The following PTPRS variants were observed in gnomAD, a reference collection of about 807,000 sequenced individuals.
The protein encoded by PTPRS is protein tyrosine phosphatase receptor type S.
A neutral mutation model predicts 215.3 loss-of-function variants in PTPRS; 63 were observed. The ratio of observed to expected loss-of-function variants is 0.29; its 90% CI spans 0.24 to 0.36. PTPRS has a LOEUF of 0.36. PTPRS is among the 10% of genes least tolerant of loss of function. PTPRS has a pLI of 1.00. For missense variants in PTPRS, 2,258 were observed against 2,825.8 expected (o/e 0.80, Z 4.56); for synonymous variants, 1,404 against 1,191.4 (o/e 1.18, Z -3.68).
At position 5,293,294 on chromosome 19, in the gene PTPRS, G is replaced by C. The variant is rs1012295038; in HGVS notation, c.-94-7060C>G. 1.3e-5 allele frequency: 2 copies of C among 150,760 alleles called. No individual in the cohort carries two copies. The highest frequency in any genetic ancestry group is 6.6e-5 in the Admixed American group (1 of 15,168). The allele number at this position is 150,760 out of a possible 1,614,324, so 9.3% of individuals were successfully genotyped here. A position where few individuals can be genotyped will look rare whatever the true frequency, so the allele number is the denominator to read the frequency against. On this transcript the variant is annotated intron_variant, in intron 1 of 37. Coordinates refer to ENST00000262963, the MANE Select transcript of PTPRS (RefSeq NM_002850.4). The surrounding 1 kb of genome is among the most constrained non-coding windows in gnomAD (Gnocchi z 8.4). Reference sequence around the variant, plus strand: ...GGAGCTCGGCCTGGGGGCGGGGCAAGGGGCGGGGCTGTAGGGGGCGGGGTT... The same window carrying C: ...GGAGCTCGGCCTGGGGGCGGGGCAACGGGCGGGGCTGTAGGGGGCGGGGTT...
At chr19:5,258,388 G>A (rs1261758763) in intron 7 of PTPRS, among the ~76,000 whole-genome samples, 2 of 152,236 alleles carry the variant, frequency 1.3e-5, no homozygotes, top group Non-Finnish European at 2.9e-5. Flanking sequence ...AGCTGGTCAT[G>A]AGACTGCTGC....
At chr19:5,328,633 C>A (rs2050234265) in intron 1 of PTPRS, among the ~76,000 whole-genome samples, 1 of 152,190 alleles carries the variant, frequency 6.6e-6, no homozygotes, top group Non-Finnish European at 1.5e-5. Context: ...GGAACCCAGT[C>A]TCCTGGCCTC....
rs1334263396 is a variant in PTPRS at position 5,273,579 on chromosome 19, A to G, written c.242T>C (p.Ile81Thr). ...KKVNSQRFETIEFDESAGAVL... is the reference protein window; with the variant it reads ...KKVNSQRFETTEFDESAGAVL... The stretch of plus-strand genomic sequence containing the variant: ...TGCCCCTGCACTCTCATCAAACTCA[A>G]TCGTCTGCCATGGGCAGGGGAAAAA... Residue 81 changes from isoleucine (I) to threonine (T), a missense_variant, in exon 4 of 38, where the codon ATT (isoleucine) becomes ACT (threonine). By Grantham distance (89) the Ile-to-Thr change is moderately conservative (BLOSUM62 -1). Coordinates refer to ENST00000262963, the MANE Select transcript of PTPRS (RefSeq NM_002850.4). The G allele has an allele frequency of 1.4e-5, 22 of 1,613,786 alleles. No individual in the cohort carries two copies. Among genetic ancestry groups the G allele is most frequent in the Non-Finnish European group, 1.9e-5 (22 of 1,179,946 alleles).
chr19:5,302,934 G>C (rs1036225102), intron 1 of PTPRS, among the ~76,000 whole-genome samples: 2 of 151,638 alleles, frequency 1.3e-5, no homozygotes, highest in African/African-American at 4.8e-5. Flanking sequence ...GCCAGGTGTG[G>C]TGGCGGGCGC....
At chr19:5,281,243 C>T (rs1403409148) in intron 2 of PTPRS, among the ~76,000 whole-genome samples, 3 of 151,902 alleles carry the variant, frequency 2.0e-5, no homozygotes, top group African/African-American at 7.3e-5. Context: ...GGAGGATCAA[C>T]TGAGGTCAGG....
At chr19:5,214,876 T>G in intron 28 of PTPRS, 140 bp from the exon 29 acceptor site, 1 of 924,064 alleles carries the variant, frequency 1.1e-6, no homozygotes. Context: ...TACTTCACAG[T>G]TTCTCCCCCT....
chr19:5,314,138 TATCAATCA>T (rs2049799532), intron 1 of PTPRS, among the ~76,000 whole-genome samples: 1 of 152,066 alleles, frequency 6.6e-6, no homozygotes, highest in South Asian at 2.1e-4. Flanking sequence ...ATCCTGTCTC[TATCAATCA>T]ATCGAGACCA....
rs950279364 is a variant in PTPRS at position 5,229,302 on chromosome 19, G to A, written c.2376+14C>T. ...GCGCACAGCAGTAGGTGGGTGGCCA[G>A]GGGCGCTACTTACATATTCGGCCGT... On this transcript the variant is annotated intron_variant, in intron 16 of 37. Coordinates refer to ENST00000262963, the MANE Select transcript of PTPRS (RefSeq NM_002850.4). The A allele has an allele frequency of 4.3e-6, 6 of 1,381,768 alleles. No homozygotes were observed. The highest frequency in any genetic ancestry group is 5.6e-6 in the Non-Finnish European group (6 of 1,063,170). 85.6% of individuals were successfully genotyped at this position (1,381,768 alleles called of 1,614,324 possible). A position where few individuals can be genotyped will look rare whatever the true frequency, so the allele number is the denominator to read the frequency against.
rs1390370700 is a variant in PTPRS at position 5,339,909 on chromosome 19, C to T, written c.-95+755G>A. On this transcript the variant is annotated intron_variant, in intron 1 of 37. Coordinates refer to ENST00000262963, the MANE Select transcript of PTPRS (RefSeq NM_002850.4). This position sits in a 1 kb window ranked among gnomAD's most constrained non-coding sequence, Gnocchi z 4.2. The stretch of plus-strand genomic sequence containing the variant: ...GGGCGTGCGCGTCTGCCTGCCAGAG[C>T]CCCTGGGGCTGGGGGCTGAGGCTCG... Among the ~76,000 whole-genome samples the T allele has an allele frequency of 6.6e-6, 1 of 151,760 alleles. No homozygotes were observed. Among genetic ancestry groups the T allele is most frequent in the Non-Finnish European group, 1.5e-5 (1 of 67,826 alleles).
intron 10 of PTPRS, among the ~76,000 whole-genome samples, chr19:5,245,563 G>T (rs549675456): frequency 2.4e-4 from 37 of 152,346 alleles, no homozygotes; most frequent in African/African-American, 8.9e-4. Context: ...AAAGTGCTGG[G>T]ATTACAGGCG....
intron 11 of PTPRS, among the ~76,000 whole-genome samples, chr19:5,243,084 G>C (rs949837104): frequency 5.3e-5 from 8 of 151,700 alleles, no homozygotes; most frequent in Non-Finnish European, 1.2e-4. Flanking sequence ...CTCTTGAGTA[G>C]CTGGGACTAC....
chr19:5,262,663 C>T (rs940235093), intron 6 of PTPRS, among the ~76,000 whole-genome samples: 4 of 152,212 alleles, frequency 2.6e-5, no homozygotes, highest in African/African-American at 9.7e-5. Flanking sequence ...CCTCTGAACC[C>T]CCCTCAGCCT....
chr19:5,298,725 T>C (rs2049216760), intron 1 of PTPRS, among the ~76,000 whole-genome samples: 1 of 152,208 alleles, frequency 6.6e-6, no homozygotes, highest in South Asian at 2.1e-4. Context: ...CCCAGCTCCA[T>C]GTCTGCCTTT....
At chr19:5,271,553 T>C (rs999744496) in intron 4 of PTPRS, among the ~76,000 whole-genome samples, 6 of 150,196 alleles carry the variant, frequency 4.0e-5, no homozygotes, top group Admixed American at 6.6e-5. Context: ...GTGCCCACCA[T>C]CACGTTCAGC....
intron 6 of PTPRS, among the ~76,000 whole-genome samples, chr19:5,261,216 T>C (rs939749023): frequency 1.3e-5 from 2 of 152,006 alleles, no homozygotes; most frequent in Non-Finnish European, 2.9e-5. Context: ...CTTCCTTCTT[T>C]CCGTCTTAGG....
intron 30 of PTPRS, 74 bp from the exon 31 acceptor site, chr19:5,212,565 C>T (rs1051217794): frequency 2.8e-5 from 42 of 1,502,832 alleles, no homozygotes; most frequent in African/African-American, 2.8e-4. Flanking sequence ...CCCAAGTGGC[C>T]GGGTGTGGTG....
chr19:5,325,930 G>C (rs2050155025), intron 1 of PTPRS, among the ~76,000 whole-genome samples: 1 of 152,232 alleles, frequency 6.6e-6, no homozygotes, highest in African/African-American at 2.4e-5. Context: ...AACAGTTGTA[G>C]TCACATTCAA....
intron 35 of PTPRS, among the ~76,000 whole-genome samples, chr19:5,209,159 C>T (rs1405392840): frequency 6.6e-6 from 1 of 152,220 alleles, no homozygotes; most frequent in Admixed American, 6.5e-5. Context: ...GGTAACTCAT[C>T]CTTAACCATT....
chr19:5,216,870 G>A (rs1381907360), intron 25 of PTPRS, 103 bp from the exon 26 acceptor site: 26 of 719,596 alleles, frequency 3.6e-5, no homozygotes, highest in Non-Finnish European at 5.5e-5. Context: ...GCAAAGGGCA[G>A]AGCAACGCGG....
Sources: allele counts gnomAD v4.1 joint callset (sites outside exome capture counted in the v4.1 genomes callset), GRCh38; gene constraint gnomAD v4.1.1; non-coding constraint Gnocchi (gnomAD v3.1); transcripts MANE v1.5; gene names NCBI Gene and HGNC (gene_info 2026-07-23, HGNC 2026-07-21).